KLHDC8A: variants seen among roughly 807,000 people sequenced by gnomAD.
KLHDC8A encodes the protein kelch domain containing 8A.
KLHDC8A carries 21 observed loss-of-function variants against 33.1 expected under a neutral mutation model. The ratio of observed to expected loss-of-function variants is 0.64; its 90% confidence interval spans 0.45 to 0.91. The LOEUF is 0.91. Ranked by LOEUF, KLHDC8A falls within the 40% of genes least tolerant of loss-of-function variation. The probability of loss-of-function intolerance (pLI) is 0.00; values close to 1 mark genes in which losing one functional copy is unlikely to be tolerated. For missense variants in KLHDC8A, 435 were observed against 483.3 expected (o/e 0.90, Z 0.94); for synonymous variants, 173 against 193.5 (o/e 0.89, Z 0.88).
At chr1:205,351,504 A>G (rs1426969541) in intron 1 of KLHDC8A, 1 of 762,712 alleles carries the variant, frequency 1.3e-6, no homozygotes, top group East Asian at 2.5e-5. Context: ...AGAGAAACCC[A>G]TGCTCTCTCT....
chr1:205,339,669 G>C lies in KLHDC8A; in HGVS notation c.516C>G (p.Leu172=). Residue 172 remains leucine (L), a synonymous_variant, in exon 3 of 6, where the codon CTC becomes CTG. Transcript: ENST00000367155. This position sits in a 1 kb window ranked among gnomAD's most constrained non-coding sequence, Gnocchi z 5.1. ...PTPRYAATSF[L]RGSKIYVLGG... is the part of the protein sequence containing the mutation. ...CCAGCACGTAGATCTTGGAGCCTCG[G>C]AGGAAGGAGGTGGCAGCATATCTCG... 1 of 1,614,148 alleles carries C rather than the reference G, an allele frequency of 6.2e-7. No homozygotes were observed. The highest frequency in any genetic ancestry group is 8.5e-7 in the Non-Finnish European group (1 of 1,180,026).
Position 205,356,679 on chromosome 1 carries a change from C to T in KLHDC8A, c.-336G>A, listed in dbSNP as rs1663285840. ...TAGAGTCGGCAAGGTCCCCAGGGTCCCCAGGGCTTCCTCCACAATTGATGA... is the reference window on the plus strand; with the variant it reads ...TAGAGTCGGCAAGGTCCCCAGGGTCTCCAGGGCTTCCTCCACAATTGATGA... On this transcript the variant is annotated 5_prime_UTR_variant, in exon 1 of 6. Coordinates refer to ENST00000367155, the MANE Select transcript of KLHDC8A (RefSeq NM_018203.3). The T allele has an allele frequency of 2.3e-6, 1 of 438,868 alleles. No homozygotes were observed. Among genetic ancestry groups the T allele is most frequent in the Admixed American group, 2.4e-5 (1 of 41,366 alleles). The allele number at this position is 438,868 out of a possible 1,614,324, so 27.2% of individuals were successfully genotyped here.
At chr1:205,346,021 C>G (rs1362763771) in intron 1 of KLHDC8A, among the ~76,000 whole-genome samples, 1 of 152,236 alleles carries the variant, frequency 6.6e-6, no homozygotes, top group Non-Finnish European at 1.5e-5. Flanking sequence ...TTTCAGCAAG[C>G]TGAGATTGCA....
intron 2 of KLHDC8A, among the ~76,000 whole-genome samples, chr1:205,340,276 A>G (rs1190414963): frequency 6.6e-6 from 1 of 151,710 alleles, no homozygotes; most frequent in Non-Finnish European, 1.5e-5. Context: ...CGACCTTCCA[A>G]AGTGCTGGGA....
chr1:205,352,977 A>T (rs1333117334), intron 1 of KLHDC8A, among the ~76,000 whole-genome samples: 1 of 152,218 alleles, frequency 6.6e-6, no homozygotes, highest in Non-Finnish European at 1.5e-5. Flanking sequence ...AGGAACCACC[A>T]CTAGGGATCC....
Position 205,337,359 on chromosome 1 carries a change from G to A in KLHDC8A, c.*40C>T, listed in dbSNP as rs760757964. The A allele has an allele frequency of 3.4e-6, 5 of 1,484,546 alleles. No individual in the cohort carries two copies. The South Asian group carries it at 4.5e-5, about 13-fold the overall frequency. The allele number at this position is 1,484,546 out of a possible 1,614,324, so 92.0% of individuals were successfully genotyped here. A position where few individuals can be genotyped will look rare whatever the true frequency, so the allele number is the denominator to read the frequency against. ...GATCATTCCTCATGTTAAGAGTGAAGTGATATGGTCCAGGGCAAAGGTACT... is the reference window on the plus strand; with the variant it reads ...GATCATTCCTCATGTTAAGAGTGAAATGATATGGTCCAGGGCAAAGGTACT... On this transcript the variant is annotated 3_prime_UTR_variant, in exon 6 of 6. Transcript: ENST00000367155.
intron 1 of KLHDC8A, among the ~76,000 whole-genome samples, chr1:205,349,356 G>A (rs1187821385): frequency 1.3e-5 from 2 of 152,166 alleles, no homozygotes; most frequent in African/African-American, 4.8e-5. Context: ...GTGCATAGCT[G>A]GTGCCTGGAA....
chr1:205,350,829 A>ATGTGTGTGCGCGCACGCATG (rs1558689857), intron 1 of KLHDC8A, among the ~76,000 whole-genome samples: 1 of 37,992 alleles, frequency 2.6e-5, no homozygotes, highest in African/African-American at 7.0e-5. Flanking sequence ...GTGTGCATGC[A>ATGTGTGTGCGCGCACGCATG]TGTGTGTGCG....
At chr1:205,345,259 T>A (rs1437410023) in intron 1 of KLHDC8A, among the ~76,000 whole-genome samples, 1 of 152,254 alleles carries the variant, frequency 6.6e-6, no homozygotes. Flanking sequence ...CAGTTTCTTA[T>A]ACAGATAGAT....
In KLHDC8A at chr1:205,343,756, C is replaced by T. The variant is rs1322834387; in HGVS notation, c.-152G>A. 1.9e-5 allele frequency: 16 copies of T among 848,522 alleles called. No individual in the cohort carries two copies. The highest frequency in any genetic ancestry group is 1.7e-6 in the Non-Finnish European group (1 of 573,546). The allele number at this position is 848,522 out of a possible 1,614,324, so 52.6% of individuals were successfully genotyped here. A position where few individuals can be genotyped will look rare whatever the true frequency, so the allele number is the denominator to read the frequency against. On this transcript the variant is annotated 5_prime_UTR_variant, in exon 2 of 6. Coordinates refer to ENST00000367155, the MANE Select transcript of KLHDC8A (RefSeq NM_018203.3). ...GACCCCGGCCAGTGCTTCACCGTGC[C>T]CCGAGTCTCAGCGGTCCGGCGGCGT...
At position 205,343,386 on chromosome 1, in the gene KLHDC8A, G is replaced by A. The variant is rs775923063; in HGVS notation, c.219C>T (p.Ala73=). Residue 73 remains alanine, a synonymous_variant, in exon 2 of 6, where the codon GCC becomes GCT. Coordinates refer to ENST00000367155, the MANE Select transcript of KLHDC8A (RefSeq NM_018203.3). ...PRLPTARAGV[A]VTALGKRIMV... ...TGATCCGCTTCCCCAGGGCGGTGAC[G>A]GCCACCCCCGCCCGGGCTGTGGGCA... The A allele has an allele frequency of 5.0e-6, 8 of 1,613,416 alleles. No individual in the cohort carries two copies. In the Admixed American group the frequency reaches 8.3e-5, roughly 17 times the overall value.
intron 1 of KLHDC8A, among the ~76,000 whole-genome samples, chr1:205,349,782 G>A (rs1276589234): frequency 1.3e-5 from 2 of 152,256 alleles, no homozygotes; most frequent in East Asian, 1.9e-4. Flanking sequence ...CTGTATTGCC[G>A]CCCGGGCCAT....
At chr1:205,352,929 A>G (rs927501485) in intron 1 of KLHDC8A, among the ~76,000 whole-genome samples, 2 of 152,194 alleles carry the variant, frequency 1.3e-5, no homozygotes, top group Non-Finnish European at 2.9e-5. Context: ...CAGAGGGACA[A>G]TTTTATTCAC....
rs1333225579 is a variant in KLHDC8A, at chr1:205,337,430, G to GACTCCA, written c.1021_1022insTGGAGT (p.Ala341delinsValGluSer). 6.2e-7 allele frequency: 1 copy of GACTCCA among 1,613,572 alleles called. No homozygotes were observed. The highest frequency in any genetic ancestry group is 8.5e-7 in the Non-Finnish European group (1 of 1,179,994). ...GTCAGAGACACACAGGGCCTCCACTGCGTCACTCAGACCCTGGTTGACACC... is the reference window on the plus strand; with the variant it reads ...GTCAGAGACACACAGGGCCTCCACTGACTCCACGTCACTCAGACCCTGGTTGACACC... On this transcript the variant is annotated protein_altering_variant, in exon 6 of 6. Transcript: ENST00000367155.
At chr1:205,350,103 G>A (rs1380544186) in intron 1 of KLHDC8A, among the ~76,000 whole-genome samples, 4 of 152,168 alleles carry the variant, frequency 2.6e-5, no homozygotes, top group Admixed American at 6.5e-5. Flanking sequence ...TGATACGATC[G>A]CAGAGGTCTG....
At chr1:205,352,471 GCATCATC>G (rs1352918528) in intron 1 of KLHDC8A, among the ~76,000 whole-genome samples, 2 of 152,212 alleles carry the variant, frequency 1.3e-5, no homozygotes, top group Non-Finnish European at 2.9e-5. Flanking sequence ...TGGAGCCCAG[GCATCATC>G]CAGTGCTTTG....
intron 1 of KLHDC8A, among the ~76,000 whole-genome samples, chr1:205,354,549 T>C (rs1301382415): frequency 6.6e-6 from 1 of 152,100 alleles, no homozygotes; most frequent in East Asian, 1.9e-4. Flanking sequence ...AAAATAAATA[T>C]CTGTAAGCAG....
At chr1:205,348,260 AG>A (rs1179347098) in intron 1 of KLHDC8A, 1 of 152,208 alleles carries the variant, frequency 6.6e-6, no homozygotes, top group African/African-American at 2.4e-5. Context: ...AACTGTGGGA[AG>A]GGTTTCAACG....
intron 1 of KLHDC8A, among the ~76,000 whole-genome samples, chr1:205,356,129 T>A (rs1288342399): frequency 7.2e-6 from 1 of 138,612 alleles, no homozygotes; most frequent in East Asian, 2.1e-4. Flanking sequence ...ATTGTTCCCA[T>A]CTTGATGTCC....
Sources: allele counts gnomAD v4.1 joint callset (sites outside exome capture counted in the v4.1 genomes callset), GRCh38; gene constraint gnomAD v4.1.1; non-coding constraint Gnocchi (gnomAD v3.1); transcripts MANE v1.5; gene names NCBI Gene and HGNC (gene_info 2026-07-23, HGNC 2026-07-21).